A2M: variants seen among roughly 807,000 people sequenced by gnomAD.
The protein encoded by A2M is C3 and PZP-like alpha-2-macroglobulin domain-containing protein 5.
Under a neutral mutation model 183.9 loss-of-function variants are expected in A2M, and 128 were observed. The observed-to-expected ratio is 0.70, with a 90% CI of 0.60 to 0.81. The LOEUF is 0.81. A2M is among the 30% of genes least tolerant of loss of function. The pLI is 0.00. For missense variants in A2M, 1,495 were observed against 1,787.6 expected (o/e 0.84, Z 2.95); for synonymous variants, 592 against 670.8 (o/e 0.88, Z 1.81).
rs1489750515 is a variant in A2M at position 9,093,511 on chromosome 12, G to C, written c.2194C>G (p.Arg732Gly). The C allele has an allele frequency of 6.2e-7, 1 of 1,613,756 alleles. No individual in the cohort carries two copies. The highest frequency in any genetic ancestry group is 2.2e-5 in the East Asian group (1 of 44,892). Reference protein sequence around the residue: ...HVEEPHTETVRKYFPETWIWD... With the variant: ...HVEEPHTETVGKYFPETWIWD... ...ATCCATGTCTCAGGGAAGTACTTTCGTACGGTCTCCGTGTGAGGCTCTTCA... is the reference window on the plus strand; with the variant it reads ...ATCCATGTCTCAGGGAAGTACTTTCCTACGGTCTCCGTGTGAGGCTCTTCA... The change falls in exon 18 of 36, where the codon CGA becomes GGA. Residue 732 changes from arginine (R) to glycine (G), a missense_variant. Physicochemically the swap from Arg to Gly is moderately radical, Grantham distance 125 (BLOSUM62 -2). Coordinates refer to ENST00000318602, the MANE Select transcript of A2M (RefSeq NM_000014.6).
intron 7 of A2M, among the ~76,000 whole-genome samples, chr12:9,108,416 A>G (rs547354804): frequency 5.4e-4 from 82 of 152,216 alleles, no homozygotes; most frequent in Non-Finnish European, 9.0e-4. Flanking sequence ...GTGAGCCACC[A>G]CGCCGGGCCT....
At chr12:9,090,151 A>G (rs958684329) in intron 20 of A2M, 128 bp from the exon 21 acceptor site, 4 of 1,411,926 alleles carry the variant, frequency 2.8e-6, no homozygotes, top group Non-Finnish European at 3.9e-6. Flanking sequence ...AGGAACGGAA[A>G]CATGCAAATG....
intron 34 of A2M, among the ~76,000 whole-genome samples, 161 bp downstream of exon 34, chr12:9,068,579 G>A (rs2137610623): frequency 6.6e-6 from 1 of 152,278 alleles, no homozygotes; most frequent in Non-Finnish European, 1.5e-5. Flanking sequence ...TTTCTATAAT[G>A]TATGTATAAG....
chr12:9,094,128 C>T (rs1253439361), intron 17 of A2M, among the ~76,000 whole-genome samples: 1 of 151,978 alleles, frequency 6.6e-6, no homozygotes, highest in Non-Finnish European at 1.5e-5. Context: ...CATTGGTGTG[C>T]TCCTCTGCAG....
At chr12:9,086,820 T>C (rs1406394348) in intron 22 of A2M, among the ~76,000 whole-genome samples, 1 of 152,146 alleles carries the variant, frequency 6.6e-6, no homozygotes, top group Non-Finnish European at 1.5e-5. Context: ...ATGAAAAATA[T>C]CCAAATTGAC....
At chr12:9,105,491 A>G (rs1938213064) in intron 10 of A2M, among the ~76,000 whole-genome samples, 1 of 152,174 alleles carries the variant, frequency 6.6e-6, no homozygotes, top group South Asian at 2.1e-4. Flanking sequence ...TACACCCTTC[A>G]TAGCTGAAAT....
intron 17 of A2M, among the ~76,000 whole-genome samples, chr12:9,094,740 C>T (rs1038807151): frequency 1.3e-5 from 2 of 152,132 alleles, no homozygotes; most frequent in South Asian, 2.1e-4. Flanking sequence ...ATTTCTATTT[C>T]TGTTTACACT....
At position 9,101,130 on chromosome 12, in the gene A2M, AT is replaced by A; in HGVS notation, c.1558+13del. Reference sequence around the variant, plus strand: ...AGAATGGGGCAGCAATGCAGAGATGATGGAAATACTCACTGTCTTCCTGCTT... The same window carrying A: ...AGAATGGGGCAGCAATGCAGAGATGAGGAAATACTCACTGTCTTCCTGCTT... On this transcript the variant is annotated intron_variant, in intron 13 of 35. Coordinates refer to ENST00000318602, the MANE Select transcript of A2M (RefSeq NM_000014.6). 1 of 1,555,970 alleles carries A rather than the reference AT, an allele frequency of 6.4e-7. No individual in the cohort carries two copies. Among genetic ancestry groups the A allele is most frequent in the South Asian group, 1.2e-5 (1 of 84,168 alleles).
rs1938768741 is a variant in A2M at position 9,112,049 on chromosome 12, C to T, written c.483+110G>A. ...TGTGCTGTTGTAATGCCAGAAGTTA[C>T]TGTTAATGATACCAGATTCTTCCTC... On this transcript the variant is annotated intron_variant, in intron 4 of 35. Coordinates refer to ENST00000318602, the MANE Select transcript of A2M (RefSeq NM_000014.6). 18 of 1,002,124 alleles carry T rather than the reference C, an allele frequency of 1.8e-5. No homozygotes were observed. In the South Asian group the frequency reaches 2.3e-4, roughly 13 times the overall value. The allele number at this position is 1,002,124 out of a possible 1,614,324, so 62.1% of individuals were successfully genotyped here. A position where few individuals can be genotyped will look rare whatever the true frequency, so the allele number is the denominator to read the frequency against.
Position 9,079,051 on chromosome 12 carries a change from A to C in A2M, c.3119+193T>G, listed in dbSNP as rs1240690317. Among the ~76,000 whole-genome samples, 3 of 152,098 alleles carry C rather than the reference A, an allele frequency of 2.0e-5. No homozygotes were observed. The East Asian group carries it at 5.8e-4, about 29-fold the overall frequency. On this transcript the variant is annotated intron_variant, in intron 25 of 35. Coordinates refer to ENST00000318602, the MANE Select transcript of A2M (RefSeq NM_000014.6). Reference sequence around the variant, plus strand: ...ATTAATAGGATCCATTTTGGAAACAAGCCTAACATAACATGTATTTGGATA... The same window carrying C: ...ATTAATAGGATCCATTTTGGAAACACGCCTAACATAACATGTATTTGGATA...
Position 9,068,765 on chromosome 12 carries a change from C to G in A2M, c.4341G>C (p.Val1447=). ...CCGTCTCGTAGTAATCATAGACTTTCACTATGGCTGGTTTCAGATCTCTTA... is the reference window on the plus strand; with the variant it reads ...CCGTCTCGTAGTAATCATAGACTTTGACTATGGCTGGTTTCAGATCTCTTA... ...VPVRDLKPAI[V]KVYDYYETDE... The change falls in exon 34 of 36, where the codon GTG becomes GTC. Residue 1447 remains valine (V), a synonymous_variant. Transcript: ENST00000318602. 1 of 1,607,572 alleles carries G rather than the reference C, an allele frequency of 6.2e-7. No homozygotes were observed. Among genetic ancestry groups the G allele is most frequent in the Non-Finnish European group, 8.5e-7 (1 of 1,176,864 alleles).
rs1401469600 is a variant in A2M, at chr12:9,078,165, G to A, written c.3120-308C>T. Among the ~76,000 whole-genome samples, 6 of 152,116 alleles carry A rather than the reference G, an allele frequency of 3.9e-5. No individual in the cohort carries two copies. The South Asian group carries it at 1.2e-3, about 32-fold the overall frequency. ...GCCATGGTGGTTTCTTGCACCTATTGACCCATCCGCTTAGTTCCCTCCCGT... is the reference window on the plus strand; with the variant it reads ...GCCATGGTGGTTTCTTGCACCTATTAACCCATCCGCTTAGTTCCCTCCCGT... On this transcript the variant is annotated intron_variant, in intron 25 of 35. Coordinates refer to ENST00000318602, the MANE Select transcript of A2M (RefSeq NM_000014.6).
chr12:9,105,574 C>T (rs188089422), intron 10 of A2M, among the ~76,000 whole-genome samples: 1 of 152,220 alleles, frequency 6.6e-6, no homozygotes, highest in African/African-American at 2.4e-5. Flanking sequence ...TGATCTCAGA[C>T]TTCTAGAGTC....
At chr12:9,069,111 T>C (rs1805686) in intron 33 of A2M, 2,767 of 261,240 alleles carry the variant, frequency 0.011, 76 homozygotes, top group African/African-American at 0.057. Context: ...TTTTATTGGA[T>C]GACTAACTGT....
rs1167665737 is a variant in A2M, at chr12:9,110,552, CATGCAATGCATGATAATAATCATT to C, written c.484-242_484-219del. Among the ~76,000 whole-genome samples, 6 of 151,638 alleles carry C rather than the reference CATGCAATGCATGATAATAATCATT, an allele frequency of 4.0e-5. No homozygotes were observed. In the East Asian group the frequency reaches 1.2e-3, roughly 29 times the overall value. Reference sequence around the variant, plus strand: ...TGGGTACTCCATTTATTGATACAGGCATGCAATGCATGATAATAATCATTATCCATGATTGGATAATGATATGGA... The same window carrying C: ...TGGGTACTCCATTTATTGATACAGGCATCCATGATTGGATAATGATATGGA... On this transcript the variant is annotated intron_variant, in intron 4 of 35. Coordinates refer to ENST00000318602, the MANE Select transcript of A2M (RefSeq NM_000014.6).
At chr12:9,074,822 A>G (rs1948692086) in intron 28 of A2M, 39 bp from the exon 29 acceptor site, 2 of 1,545,966 alleles carry the variant, frequency 1.3e-6, no homozygotes, top group Admixed American at 3.9e-5. Context: ...GTGCCTACAT[A>G]TTTATATTTA....
chr12:9,086,862 T>A (rs1254286055), intron 22 of A2M, among the ~76,000 whole-genome samples: 2 of 152,198 alleles, frequency 1.3e-5, no homozygotes, highest in Non-Finnish European at 2.9e-5. Context: ...CTGTTGGTGA[T>A]GACATTATCT....
intron 32 of A2M, among the ~76,000 whole-genome samples, chr12:9,070,037 A>G (rs765479162): frequency 3.9e-5 from 6 of 152,382 alleles, no homozygotes; most frequent in Middle Eastern, 3.4e-3. Flanking sequence ...TGAAGAAAAG[A>G]CAGCTAAGTA....
At chr12:9,086,282 C>T (rs763185631) in intron 22 of A2M, among the ~76,000 whole-genome samples, 1 of 152,134 alleles carries the variant, frequency 6.6e-6, no homozygotes, top group Non-Finnish European at 1.5e-5. Flanking sequence ...TGGCATACAC[C>T]TGTGGGTGGC....
Sources: allele counts gnomAD v4.1 joint callset (sites outside exome capture counted in the v4.1 genomes callset), GRCh38; gene constraint gnomAD v4.1.1; transcripts MANE v1.5; gene names NCBI Gene and HGNC (gene_info 2026-07-23, HGNC 2026-07-21).